Variants in LGSN observed in about 807,000 individuals in gnomAD.
The protein encoded by LGSN is lengsin.
A neutral mutation model predicts 19.5 loss-of-function variants in LGSN; 21 were observed. That is an observed-to-expected ratio of 1.07 (90% CI 0.76 to 1.55). The LOEUF (loss-of-function observed/expected upper bound fraction) is 1.55. LGSN is among the 40% of genes most tolerant of loss of function. LGSN has a pLI of 0.00. For synonymous variants in LGSN, 257 were observed against 215.6 expected (o/e 1.19, Z -1.68); for missense variants, 673 against 608.5 (o/e 1.11, Z -1.12).
At chr6:63,563,542 CCTT>C in the LGSN span, among the ~76,000 whole-genome samples, 4 of 152,248 alleles carry the variant, frequency 2.6e-5, no homozygotes, top group Non-Finnish European at 5.9e-5. Flanking sequence ...CTGTTGACCT[CCTT>C]CACAGCACAG....
At chr6:63,370,732 A>C in the LGSN span, among the ~76,000 whole-genome samples, 1 of 152,206 alleles carries the variant, frequency 6.6e-6, no homozygotes, top group Non-Finnish European at 1.5e-5. Context: ...CTGCTTGCCA[A>C]GTATCAGGGC....
the LGSN span, among the ~76,000 whole-genome samples, chr6:63,426,981 A>G: frequency 0.6 from 91,238 of 151,822 alleles, 27,733 homozygotes; most frequent in African/African-American, 0.64. Flanking sequence ...TTCATATGGC[A>G]ATTCAGGACA....
chr6:63,441,342 G>T, the LGSN span: 1 of 475,936 alleles, frequency 2.1e-6, no homozygotes, highest in Non-Finnish European at 4.2e-6. Flanking sequence ...CCAGCACCTG[G>T]CTCTCCTCAA....
the LGSN span, among the ~76,000 whole-genome samples, chr6:63,346,705 C>T: frequency 1.3e-5 from 2 of 152,098 alleles, no homozygotes; most frequent in African/African-American, 4.8e-5. Context: ...TCCTGTGAGA[C>T]TGAGCCCTTA....
chr6:63,551,855 C>T, the LGSN span, among the ~76,000 whole-genome samples: 1,443 of 152,272 alleles, frequency 9.5e-3, 12 homozygotes, highest in South Asian at 0.038. Flanking sequence ...ATCCACGTCC[C>T]TACAAAGGAC....
At chr6:63,466,449 A>G in the LGSN span, among the ~76,000 whole-genome samples, 1 of 152,138 alleles carries the variant, frequency 6.6e-6, no homozygotes, top group African/African-American at 2.4e-5. Context: ...AGTGATCTGA[A>G]TGACTTACAT....
At chr6:63,538,262 G>C in the LGSN span, among the ~76,000 whole-genome samples, 2 of 152,152 alleles carry the variant, frequency 1.3e-5, no homozygotes, top group Non-Finnish European at 2.9e-5. Flanking sequence ...GAGAAAGAGG[G>C]AAATCTAGAA....
the LGSN span, among the ~76,000 whole-genome samples, chr6:63,383,149 G>A: frequency 5.3e-5 from 8 of 152,034 alleles, no homozygotes; most frequent in East Asian, 1.3e-3. Context: ...TTTTTATAGA[G>A]ATAGGGTATA....
the LGSN span, among the ~76,000 whole-genome samples, chr6:63,469,014 C>T: frequency 0.46 from 70,667 of 152,028 alleles, 18,271 homozygotes; most frequent in Non-Finnish European, 0.57. Flanking sequence ...TTCCAAAGTG[C>T]TGGGATTACT....
the LGSN span, among the ~76,000 whole-genome samples, chr6:63,397,830 C>G: frequency 6.6e-6 from 1 of 152,002 alleles, no homozygotes; most frequent in South Asian, 2.1e-4. Context: ...ATCCCAGCTA[C>G]TCGGGAAGCT....
chr6:63,532,096 G>A, the LGSN span, among the ~76,000 whole-genome samples: 1 of 152,130 alleles, frequency 6.6e-6, no homozygotes, highest in South Asian at 2.1e-4. Flanking sequence ...ACCACGCCCG[G>A]TCAACCACAT....
chr6:63,528,608 G>A, the LGSN span, among the ~76,000 whole-genome samples: 1 of 151,730 alleles, frequency 6.6e-6, no homozygotes, highest in African/African-American at 2.4e-5. Flanking sequence ...AACTAGCCAG[G>A]CATGGCGGCA....
At chr6:63,550,582 T>C in the LGSN span, 3 of 152,248 alleles carry the variant, frequency 2.0e-5, no homozygotes, top group South Asian at 6.2e-4. Flanking sequence ...AGGAGGTTTG[T>C]TTTTTAACAT....
the LGSN span, among the ~76,000 whole-genome samples, chr6:63,431,406 C>T: frequency 3.3e-5 from 5 of 152,290 alleles, no homozygotes; most frequent in Admixed American, 1.3e-4. Context: ...CAGATGTTGA[C>T]ATCTATCAGC....
At chr6:63,422,618 T>A in the LGSN span, among the ~76,000 whole-genome samples, 1 of 152,176 alleles carries the variant, frequency 6.6e-6, no homozygotes, top group Non-Finnish European at 1.5e-5. Flanking sequence ...ATAAGTTATG[T>A]ATATATAACA....
the LGSN span, among the ~76,000 whole-genome samples, chr6:63,535,303 A>G: frequency 1.7e-4 from 26 of 152,094 alleles, no homozygotes; most frequent in African/African-American, 5.8e-4. Context: ...CGTTTCTACT[A>G]AAAATACAAA....
chr6:63,492,052 C>T, the LGSN span, among the ~76,000 whole-genome samples: 1 of 151,514 alleles, frequency 6.6e-6, no homozygotes, highest in South Asian at 2.1e-4. Context: ...AAAAAATTAA[C>T]GTATGTTTTA....
the LGSN span, among the ~76,000 whole-genome samples, chr6:63,476,435 G>A: frequency 2.0e-5 from 3 of 152,208 alleles, no homozygotes; most frequent in Non-Finnish European, 4.4e-5. Context: ...TTCAGGAAGA[G>A]CTCAATTGAG....
At chr6:63,367,407 G>C in the LGSN span, among the ~76,000 whole-genome samples, 5 of 152,110 alleles carry the variant, frequency 3.3e-5, no homozygotes, top group African/African-American at 1.2e-4. Flanking sequence ...TCTCACACCA[G>C]TTAGAATGGC....
Sources: allele counts gnomAD v4.1 joint callset (sites outside exome capture counted in the v4.1 genomes callset), GRCh38; gene constraint gnomAD v4.1.1; transcripts MANE v1.5; gene names NCBI Gene and HGNC (gene_info 2026-07-23, HGNC 2026-07-21).